The following GUCY1B1 variants were observed in gnomAD, a reference collection of about 807,000 sequenced individuals.
The protein encoded by GUCY1B1 is guanylate cyclase soluble subunit beta-1.
GUCY1B1 carries 43 observed loss-of-function variants against 71.0 expected under a neutral mutation model. That is an observed-to-expected ratio of 0.61 (90% CI 0.47 to 0.78). GUCY1B1 has a LOEUF of 0.78. Ranked by LOEUF, GUCY1B1 falls within the 30% of genes least tolerant of loss-of-function variation. The probability of loss-of-function intolerance (pLI) is 0.00; values close to 1 mark genes in which losing one functional copy is unlikely to be tolerated. For missense variants in GUCY1B1, 535 were observed against 754.1 expected (o/e 0.71, Z 3.40); for synonymous variants, 266 against 259.7 (o/e 1.02, Z -0.23).
At chr4:155,778,970 CTTTT>C (rs75584237) in intron 4 of GUCY1B1, among the ~76,000 whole-genome samples, 1 of 144,386 alleles carries the variant, frequency 6.9e-6, no homozygotes. Flanking sequence ...TTATTAATTC[CTTTT>C]TTTTTTTTTT....
Position 155,806,466 on chromosome 4 carries a change from C to T in GUCY1B1, c.*57C>T, listed in dbSNP as rs374960127. The T allele has an allele frequency of 1.8e-4, 221 of 1,209,186 alleles. 1 individual carries two copies. In the South Asian group the frequency reaches 2.1e-3, roughly 12 times the overall value. The allele number at this position is 1,209,186 out of a possible 1,614,324, so 74.9% of individuals were successfully genotyped here. ...ACTAGGTTCCAGTTTTCTCCTAACACGTGCCAAGCCCAGGAGCAGTTCTTC... is the reference window on the plus strand; with the variant it reads ...ACTAGGTTCCAGTTTTCTCCTAACATGTGCCAAGCCCAGGAGCAGTTCTTC... On this transcript the variant is annotated 3_prime_UTR_variant, in exon 14 of 14. Transcript: ENST00000264424.
chr4:155,760,258 A>T (rs1311312033), intron 2 of GUCY1B1, among the ~76,000 whole-genome samples: 1 of 152,146 alleles, frequency 6.6e-6, no homozygotes, highest in Admixed American at 6.5e-5. Flanking sequence ...CAAACGGAAG[A>T]CTTTGGCTCC....
intron 4 of GUCY1B1, among the ~76,000 whole-genome samples, chr4:155,777,896 C>T (rs1738165107): frequency 6.6e-6 from 1 of 152,160 alleles, no homozygotes; most frequent in Admixed American, 6.5e-5. Flanking sequence ...CCCTGAAGAA[C>T]TCCAGGTGGT....
intron 3 of GUCY1B1, 30 bp from the exon 4 acceptor site, chr4:155,777,493 CT>C (rs778615522): frequency 2.2e-5 from 24 of 1,099,300 alleles, no homozygotes; most frequent in Non-Finnish European, 2.8e-5. Context: ...CTATTATATG[CT>C]TTTTTTCCCC....
chr4:155,800,903 TACTC>T (rs1236456964), intron 9 of GUCY1B1, among the ~76,000 whole-genome samples: 1 of 152,224 alleles, frequency 6.6e-6, no homozygotes, highest in Admixed American at 6.5e-5. Context: ...AGGTTTGAGT[TACTC>T]AATATTCTGT....
intron 8 of GUCY1B1, among the ~76,000 whole-genome samples, chr4:155,799,476 C>G (rs934028587): frequency 4.6e-5 from 7 of 151,586 alleles, no homozygotes; most frequent in African/African-American, 4.8e-5. Context: ...GAAAGTTTCT[C>G]AAAAGAAGCA....
Position 155,796,447 on chromosome 4 carries a change from G to A in GUCY1B1, c.914G>A (p.Arg305His), listed in dbSNP as rs763949175. Residue 305 changes from arginine to histidine, a missense_variant, in exon 8 of 14, where the codon CGT becomes CAT. Physicochemically the swap from Arg to His is conservative, Grantham distance 29. Coordinates refer to ENST00000264424, the MANE Select transcript of GUCY1B1 (RefSeq NM_000857.5). ...ACTGGGACTGAGATCAGCTGCTTAC[G>A]TCTCAAGGGTCAAATGATCTACTTA... ...ELTGTEISCL[R>H]LKGQMIYLPE... 9 of 1,610,478 alleles carry A rather than the reference G, an allele frequency of 5.6e-6. No individual in the cohort carries two copies. The highest frequency in any genetic ancestry group is 2.2e-5 in the East Asian group (1 of 44,856).
At chr4:155,760,204 C>G (rs1186130755) in intron 2 of GUCY1B1, among the ~76,000 whole-genome samples, 1 of 152,136 alleles carries the variant, frequency 6.6e-6, no homozygotes, top group Non-Finnish European at 1.5e-5. Context: ...CCCGAGGGAC[C>G]ACACGGGCCT....
chr4:155,799,946 G>A lies in GUCY1B1; in HGVS notation c.1047G>A (p.Thr349=), dbSNP rs17854507. 0.034 allele frequency: 55,241 copies of A among 1,612,790 alleles called. 1,303 individuals are homozygous for A. Among genetic ancestry groups the A allele is most frequent in the Middle Eastern group, 0.11 (695 of 6,060 alleles). The change falls in exon 9 of 14, where the codon ACG becomes ACA. Residue 349 remains threonine (T), a synonymous_variant. Transcript: ENST00000264424. ...YLSDIPLHDA[T]RDLVLLGEQF... ...GTGACATCCCTCTGCATGATGCCAC[G>A]CGCGATCTTGTTCTTTTGGGAGAAC...
At position 155,802,201 on chromosome 4, in the gene GUCY1B1, T is replaced by C; in HGVS notation, c.1176-141T>C. The C allele has an allele frequency of 6.7e-7, 1 of 1,488,706 alleles. No individual in the cohort carries two copies. Among genetic ancestry groups the C allele is most frequent in the Non-Finnish European group, 8.9e-7 (1 of 1,121,438 alleles). The allele number at this position is 1,488,706 out of a possible 1,614,324, so 92.2% of individuals were successfully genotyped here. ...GCTTATAAATACAGCTAATATTTGA[T>C]GCTAATTTTAGAGGATGTCCTGCTA... is the stretch of plus-strand genomic sequence containing the variant. On this transcript the variant is annotated intron_variant, in intron 9 of 13. Transcript: ENST00000264424. The surrounding 1 kb of genome is among the most constrained non-coding windows in gnomAD (Gnocchi z 4.3).
At chr4:155,789,060 C>G (rs2111102925) in intron 4 of GUCY1B1, among the ~76,000 whole-genome samples, 1 of 152,238 alleles carries the variant, frequency 6.6e-6, no homozygotes, top group Non-Finnish European at 1.5e-5. Context: ...TATTTATTGG[C>G]CAATTTATTA....
At position 155,807,424 on chromosome 4, in the gene GUCY1B1, T is replaced by C. The variant is rs1474941205; in HGVS notation, c.*1015T>C. On this transcript the variant is annotated 3_prime_UTR_variant, in exon 14 of 14. Transcript: ENST00000264424. ...GAATAATTGGCCTCTAGCTCTTAAA[T>C]GTCTCTGATAACTTATTAATATCTA... The C allele has an allele frequency of 2.0e-5, 3 of 152,192 alleles. No individual in the cohort carries two copies. In the East Asian group the frequency reaches 5.8e-4, roughly 29 times the overall value. 9.4% of individuals were successfully genotyped at this position (152,192 alleles called of 1,614,324 possible).
chr4:155,760,076 G>T (rs1736876603), intron 2 of GUCY1B1, among the ~76,000 whole-genome samples: 1 of 152,124 alleles, frequency 6.6e-6, no homozygotes. Flanking sequence ...GCGAGGGCGA[G>T]AACCGCGGAA....
At chr4:155,791,620 A>G (rs950722881) in intron 5 of GUCY1B1, among the ~76,000 whole-genome samples, 1 of 150,868 alleles carries the variant, frequency 6.6e-6, no homozygotes, top group Non-Finnish European at 1.5e-5. Context: ...AATCCCAGCT[A>G]CTCGGGAGGC....
intron 2 of GUCY1B1, among the ~76,000 whole-genome samples, chr4:155,773,889 G>A (rs1053785684): frequency 7.2e-5 from 11 of 152,020 alleles, no homozygotes; most frequent in East Asian, 1.9e-4. Context: ...CGGTTTCACC[G>A]TGTTAGCCAG....
chr4:155,765,578 G>T (rs1047360089), intron 2 of GUCY1B1, among the ~76,000 whole-genome samples: 1 of 152,094 alleles, frequency 6.6e-6, no homozygotes, highest in African/African-American at 2.4e-5. Flanking sequence ...AGTATTTATT[G>T]GACCTCCTCG....
At chr4:155,801,231 C>G (rs1739931853) in intron 9 of GUCY1B1, among the ~76,000 whole-genome samples, 1 of 152,070 alleles carries the variant, frequency 6.6e-6, no homozygotes, top group South Asian at 2.1e-4. Flanking sequence ...AGAACTACTT[C>G]TTTGTTTGGA....
intron 2 of GUCY1B1, among the ~76,000 whole-genome samples, chr4:155,762,079 T>C (rs1287169943): frequency 6.6e-6 from 1 of 152,218 alleles, no homozygotes; most frequent in African/African-American, 2.4e-5. Flanking sequence ...AGCTGCTCCT[T>C]GGTTTCCAAC....
intron 4 of GUCY1B1, among the ~76,000 whole-genome samples, chr4:155,779,435 T>C (rs1293776547): frequency 1.3e-5 from 2 of 152,260 alleles, no homozygotes; most frequent in Non-Finnish European, 1.5e-5. Flanking sequence ...TGATTTCATG[T>C]TAAAATGTTA....
Sources: gnomAD v4.1 joint callset for allele counts (sites outside exome capture counted in the v4.1 genomes callset) on GRCh38, gnomAD v4.1.1 for gene constraint, Gnocchi (gnomAD v3.1) non-coding constraint, MANE v1.5 for transcripts, NCBI Gene and HGNC (gene_info 2026-07-23, HGNC 2026-07-21) for gene names.